Variants in GALNT18 observed in about 807,000 individuals in gnomAD.
GALNT18 encodes polypeptide N-acetylgalactosaminyltransferase 18, also known as GalNAc-transferase 18.
GALNT18 carries 44 observed loss-of-function variants against 69.5 expected under a neutral mutation model. The ratio of observed to expected loss-of-function variants is 0.63; its 90% CI spans 0.50 to 0.81. The LOEUF is 0.81. Among genes scored for constraint, GALNT18 ranks in the 40% least tolerant of loss-of-function variants. The pLI is 0.00. For missense variants in GALNT18, 715 were observed against 810.0 expected, an observed-to-expected ratio of 0.88 and a Z score of 1.42; for synonymous variants, 364 against 318.2, an observed-to-expected ratio of 1.14 and a Z score of -1.53.
chr11:11,431,528 T>A (rs1043223075), intron 3 of GALNT18, among the ~76,000 whole-genome samples: 2 of 152,216 alleles, frequency 1.3e-5, no homozygotes, highest in African/African-American at 4.8e-5. Context: ...ACAATGAAAG[T>A]CAAATGATTC....
chr11:11,427,158 G>A (rs894304923), intron 3 of GALNT18, among the ~76,000 whole-genome samples: 8 of 152,310 alleles, frequency 5.3e-5, no homozygotes, highest in Admixed American at 4.6e-4. Context: ...ATAGATCGGA[G>A]CCAGCCCCTG....
At chr11:11,293,874 C>G (rs16909361) in intron 9 of GALNT18, among the ~76,000 whole-genome samples, 23,662 of 151,914 alleles carry the variant, frequency 0.16, 1,966 homozygotes, top group East Asian at 0.23. Context: ...GAGTAAAAAG[C>G]CTGGATTGCG....
At chr11:11,608,225 C>A (rs1160719411) in intron 1 of GALNT18, among the ~76,000 whole-genome samples, 2 of 152,184 alleles carry the variant, frequency 1.3e-5, no homozygotes, top group East Asian at 3.9e-4. Flanking sequence ...AAAATATATT[C>A]CTGACCGTAT....
rs1448866444 is a variant in GALNT18, at chr11:11,587,597, G to A, written c.235+33762C>T. The stretch of plus-strand genomic sequence containing the variant: ...GAAAATACCCTACAACAGAAAAGCT[G>A]AAGTTGATGTTTTACATGGAATGCC... On this transcript the variant is annotated intron_variant, in intron 1 of 10. Transcript: ENST00000227756. The surrounding 1 kb of genome is among the most constrained non-coding windows in gnomAD (Gnocchi z 4.4). Among the ~76,000 whole-genome samples the A allele has an allele frequency of 6.6e-6, 1 of 152,196 alleles. No homozygotes were observed. Among genetic ancestry groups the A allele is most frequent in the African/African-American group, 2.4e-5 (1 of 41,448 alleles).
At position 11,514,284 on chromosome 11, in the gene GALNT18, G is replaced by C. The variant is rs781571266; in HGVS notation, c.236-65348C>G. Among the ~76,000 whole-genome samples, 88 of 152,204 alleles carry C rather than the reference G, an allele frequency of 5.8e-4. 1 individual carries two copies. The highest frequency in any genetic ancestry group is 4.1e-4 in the Non-Finnish European group (28 of 68,044). Reference sequence around the variant, plus strand: ...CCATGCTTGCAATTGCCTGCCCCAGGCTGGCCCTGCAGGGAAATCCCCTCT... The same window carrying C: ...CCATGCTTGCAATTGCCTGCCCCAGCCTGGCCCTGCAGGGAAATCCCCTCT... On this transcript the variant is annotated intron_variant, in intron 1 of 10. Coordinates refer to ENST00000227756, the MANE Select transcript of GALNT18 (RefSeq NM_198516.3).
chr11:11,357,605 C>T (rs1850558266), intron 6 of GALNT18, among the ~76,000 whole-genome samples: 1 of 152,188 alleles, frequency 6.6e-6, no homozygotes, highest in East Asian at 1.9e-4. Flanking sequence ...GCTGTTGGTT[C>T]ACAGGCTTTG....
intron 4 of GALNT18, among the ~76,000 whole-genome samples, chr11:11,378,480 G>A (rs943099260): frequency 2.0e-5 from 3 of 152,216 alleles, no homozygotes; most frequent in Non-Finnish European, 4.4e-5. Flanking sequence ...CTGGCTGGCT[G>A]CAGCCACTTG....
chr11:11,499,832 A>C (rs1484808910), intron 1 of GALNT18, among the ~76,000 whole-genome samples: 3 of 152,196 alleles, frequency 2.0e-5, no homozygotes, highest in African/African-American at 7.2e-5. Context: ...GGGGTGGCTC[A>C]CAGGTGATGG....
rs1049291554 is a variant in GALNT18, at chr11:11,385,877, T to C, written c.596-6613A>G. On this transcript the variant is annotated intron_variant, in intron 3 of 10. Coordinates refer to ENST00000227756, the MANE Select transcript of GALNT18 (RefSeq NM_198516.3). ...AAGATGAGATCATACTGGAGTGGGATAGGATCCTAATCCAGTATGACTGGT... is the reference window on the plus strand; with the variant it reads ...AAGATGAGATCATACTGGAGTGGGACAGGATCCTAATCCAGTATGACTGGT... Among the ~76,000 whole-genome samples the C allele has an allele frequency of 1.8e-4, 28 of 152,246 alleles. 1 individual carries two copies. In the South Asian group the frequency reaches 2.5e-3, roughly 14 times the overall value.
intron 10 of GALNT18, among the ~76,000 whole-genome samples, chr11:11,280,512 C>T (rs976403811): frequency 1.3e-5 from 2 of 152,116 alleles, no homozygotes; most frequent in African/African-American, 4.8e-5. Flanking sequence ...CTTGAGCTCC[C>T]CTGAGGCTTC....
intron 1 of GALNT18, among the ~76,000 whole-genome samples, chr11:11,593,603 G>C (rs1859415417): frequency 6.6e-6 from 1 of 152,010 alleles, no homozygotes; most frequent in African/African-American, 2.4e-5. Flanking sequence ...ATTTCCAGAG[G>C]CTTCTTATAA....
At chr11:11,298,410 T>C (rs12283824) in intron 9 of GALNT18, among the ~76,000 whole-genome samples, 5,665 of 152,296 alleles carry the variant, frequency 0.037, 304 homozygotes, top group African/African-American at 0.13. Context: ...AGTTGCTCTC[T>C]CCCCTCCTTG....
At chr11:11,429,571 A>C (rs1031937844) in intron 3 of GALNT18, among the ~76,000 whole-genome samples, 1 of 152,236 alleles carries the variant, frequency 6.6e-6, no homozygotes, top group Non-Finnish European at 1.5e-5. Context: ...ACAGTCACAC[A>C]TGATGTGACC....
Position 11,389,815 on chromosome 11 carries a change from CCCAGGT to C in GALNT18, c.596-10557_596-10552del, listed in dbSNP as rs1246090882. On this transcript the variant is annotated intron_variant, in intron 3 of 10. Coordinates refer to ENST00000227756, the MANE Select transcript of GALNT18 (RefSeq NM_198516.3). The surrounding 1 kb of genome is among the most constrained non-coding windows in gnomAD (Gnocchi z 4.3). ...ACTGTGCAAAGGGAATTCCAGGAGG[CCCAGGT>C]CCAGGTCCTCCTGCCCTATGTGTGA... Among the ~76,000 whole-genome samples the C allele has an allele frequency of 6.6e-6, 1 of 152,180 alleles. No homozygotes were observed.
chr11:11,282,658 C>T lies in GALNT18; in HGVS notation c.1677+10371G>A, dbSNP rs182948542. On this transcript the variant is annotated intron_variant, in intron 10 of 10. Coordinates refer to ENST00000227756, the MANE Select transcript of GALNT18 (RefSeq NM_198516.3). ...GAGGGAGCTGGTGGTGCCCCAATGC[C>T]TAGGGTGGAGAAGGATCACCTCAAC... Among the ~76,000 whole-genome samples the T allele has an allele frequency of 2.6e-3, 399 of 152,234 alleles. 3 individuals carry two copies. Among genetic ancestry groups the T allele is most frequent in the African/African-American group, 9.2e-3 (382 of 41,526 alleles).
At chr11:11,376,738 A>G (rs2129530) in intron 5 of GALNT18, among the ~76,000 whole-genome samples, 94,761 of 151,974 alleles carry the variant, frequency 0.62, 30,495 homozygotes, top group Non-Finnish European at 0.71. Flanking sequence ...TCCCCAACCT[A>G]GCCATCTTCT....
At chr11:11,307,740 A>G (rs573366662) in intron 9 of GALNT18, among the ~76,000 whole-genome samples, 1,544 of 93,570 alleles carry the variant, frequency 0.017, 13 homozygotes, top group Middle Eastern at 0.037. Flanking sequence ...TCAGGAAGGC[A>G]TCCTTGACCC....
At chr11:11,342,102 G>C (rs1850219388) in intron 6 of GALNT18, among the ~76,000 whole-genome samples, 1 of 151,954 alleles carries the variant, frequency 6.6e-6, no homozygotes, top group African/African-American at 2.4e-5. Flanking sequence ...CCTGCTTATA[G>C]GTCAGCCTCA....
intron 10 of GALNT18, among the ~76,000 whole-genome samples, chr11:11,282,081 A>G (rs974393048): frequency 2.0e-5 from 3 of 152,118 alleles, no homozygotes; most frequent in Non-Finnish European, 4.4e-5. Flanking sequence ...AAAGTTTAAA[A>G]CTTGCTTAAA....
Sources: gnomAD v4.1 joint callset for allele counts (sites outside exome capture counted in the v4.1 genomes callset) on GRCh38, gnomAD v4.1.1 for gene constraint, Gnocchi (gnomAD v3.1) non-coding constraint, MANE v1.5 for transcripts, NCBI Gene and HGNC (gene_info 2026-07-23, HGNC 2026-07-21) for gene names.